Variants in DNAH9 observed in about 807,000 individuals in gnomAD.
DNAH9 encodes the protein DNAH9 variant protein.
Under a neutral mutation model 471.6 loss-of-function variants are expected in DNAH9, and 345 were observed. The ratio of observed to expected loss-of-function variants is 0.73; its 90% CI spans 0.67 to 0.80. The LOEUF is 0.80. Ranked by LOEUF, DNAH9 falls within the 30% of genes least tolerant of loss-of-function variation. The pLI is 0.00. For missense variants in DNAH9, 5,407 were observed against 5,609.2 expected, an observed-to-expected ratio of 0.96 and a Z score of 1.15; for synonymous variants, 2,093 against 2,123.6, an observed-to-expected ratio of 0.99 and a Z score of 0.40.
intron 13 of DNAH9, among the ~76,000 whole-genome samples, chr17:11,652,494 C>G (rs2073533482): frequency 6.6e-6 from 1 of 151,816 alleles, no homozygotes; most frequent in South Asian, 2.1e-4. Context: ...ACCGTGTTAG[C>G]CAGGATGGTC....
At chr17:11,788,577 C>A (rs1968954277) in intron 41 of DNAH9, among the ~76,000 whole-genome samples, 1 of 152,114 alleles carries the variant, frequency 6.6e-6, no homozygotes, top group African/African-American at 2.4e-5. Flanking sequence ...ATTATTTTGA[C>A]CTATTTTTGA....
At chr17:11,643,954 C>T (rs1567685607) in intron 10 of DNAH9, among the ~76,000 whole-genome samples, 1 of 152,130 alleles carries the variant, frequency 6.6e-6, no homozygotes, top group Admixed American at 6.6e-5. Context: ...AAAAATGGTA[C>T]GCTTGTGTAG....
intron 67 of DNAH9, among the ~76,000 whole-genome samples, chr17:11,959,164 T>C (rs992673975): frequency 3.3e-5 from 5 of 152,128 alleles, no homozygotes; most frequent in African/African-American, 1.2e-4. Context: ...CATATTTAAT[T>C]GTGAGGGACT....
intron 49 of DNAH9, among the ~76,000 whole-genome samples, chr17:11,843,024 A>G (rs980275220): frequency 1.4e-5 from 2 of 146,534 alleles, no homozygotes; most frequent in Admixed American, 6.8e-5. Context: ...GAATAAAATA[A>G]TATTTGGCTA....
intron 58 of DNAH9, among the ~76,000 whole-genome samples, chr17:11,893,431 C>T (rs1315752540): frequency 1.2e-5 from 1 of 86,236 alleles, no homozygotes; most frequent in African/African-American, 3.2e-5. Context: ...GCACTATTTA[C>T]AATAGCAAAG....
chr17:11,869,513 A>C (rs1330637446), intron 51 of DNAH9, among the ~76,000 whole-genome samples: 3 of 152,306 alleles, frequency 2.0e-5, no homozygotes, highest in African/African-American at 7.2e-5. Flanking sequence ...AAATGGTAAC[A>C]CACTTATATT....
intron 8 of DNAH9, among the ~76,000 whole-genome samples, chr17:11,636,312 G>A (rs980220011): frequency 3.9e-5 from 6 of 152,126 alleles, no homozygotes; most frequent in African/African-American, 1.4e-4. Flanking sequence ...CCTGTTCCAG[G>A]TCTTAATTAT....
intron 25 of DNAH9, 125 bp downstream of exon 25, chr17:11,704,567 C>A: frequency 4.4e-5 from 34 of 771,768 alleles, no homozygotes; most frequent in Non-Finnish European, 6.2e-5. Flanking sequence ...GGGAGGATCA[C>A]AGTGGCTGCT....
chr17:11,611,201 C>T (rs1459752446), intron 3 of DNAH9, among the ~76,000 whole-genome samples: 4 of 152,182 alleles, frequency 2.6e-5, no homozygotes, highest in East Asian at 1.9e-4. Context: ...TGGAGATTAT[C>T]GGTGTCACAT....
At chr17:11,843,000 T>C (rs919622446) in intron 49 of DNAH9, among the ~76,000 whole-genome samples, 1 of 147,464 alleles carries the variant, frequency 6.8e-6, no homozygotes, top group African/African-American at 2.4e-5. Context: ...TCATTAAAAC[T>C]CTCAGTAAAG....
chr17:11,851,067 G>C (rs768139574), intron 49 of DNAH9, among the ~76,000 whole-genome samples: 2 of 150,938 alleles, frequency 1.3e-5, no homozygotes, highest in Non-Finnish European at 3.0e-5. Flanking sequence ...AGTCTTACAG[G>C]GTGGGGGTCG....
At chr17:11,630,951 GA>G (rs1024068803) in intron 7 of DNAH9, among the ~76,000 whole-genome samples, 1 of 152,044 alleles carries the variant, frequency 6.6e-6, no homozygotes, top group Admixed American at 6.6e-5. Context: ...AACTGAGGGG[GA>G]AAAATGTTTT....
chr17:11,950,181 A>G (rs1050872966), intron 67 of DNAH9, among the ~76,000 whole-genome samples: 5 of 152,172 alleles, frequency 3.3e-5, no homozygotes, highest in African/African-American at 1.2e-4. Flanking sequence ...TCGACTCTCA[A>G]ATTCCCCACC....
At chr17:11,943,217 A>T (rs1390342358) in intron 67 of DNAH9, among the ~76,000 whole-genome samples, 1 of 152,028 alleles carries the variant, frequency 6.6e-6, no homozygotes, top group African/African-American at 2.4e-5. Flanking sequence ...TTATTAAAAG[A>T]ATTGTAAATG....
At chr17:11,746,070 A>C (rs2075518945) in intron 31 of DNAH9, among the ~76,000 whole-genome samples, 2 of 152,256 alleles carry the variant, frequency 1.3e-5, no homozygotes, top group Admixed American at 6.5e-5. Flanking sequence ...ACTTCAAATG[A>C]ATCTGTGCAG....
chr17:11,606,787 TCAAA>T (rs1243065887), intron 1 of DNAH9, among the ~76,000 whole-genome samples: 2 of 152,260 alleles, frequency 1.3e-5, no homozygotes, highest in Admixed American at 6.5e-5. Context: ...ATTTAGGAGC[TCAAA>T]CAAAGTTACC....
intron 14 of DNAH9, among the ~76,000 whole-genome samples, chr17:11,656,763 C>T (rs1171957433): frequency 1.3e-5 from 2 of 152,240 alleles, no homozygotes; most frequent in East Asian, 1.9e-4. Flanking sequence ...TCCCCATTCT[C>T]CTGCGAGCCT....
chr17:11,765,469 G>A (rs1967893876), intron 36 of DNAH9, among the ~76,000 whole-genome samples: 1 of 152,202 alleles, frequency 6.6e-6, no homozygotes, highest in Non-Finnish European at 1.5e-5. Flanking sequence ...TCATTTTCAA[G>A]GGCCCTGGCT....
At chr17:11,778,805 G>A (rs963122852) in intron 38 of DNAH9, among the ~76,000 whole-genome samples, 6 of 152,044 alleles carry the variant, frequency 3.9e-5, no homozygotes, top group African/African-American at 1.4e-4. Flanking sequence ...TCAGGAATTC[G>A]AGACCAGCCT....
Sources: allele counts gnomAD v4.1 joint callset (sites outside exome capture counted in the v4.1 genomes callset), GRCh38; gene constraint gnomAD v4.1.1; transcripts MANE v1.5; gene names NCBI Gene and HGNC (gene_info 2026-07-23, HGNC 2026-07-21).